THSD4: variants seen among roughly 807,000 people sequenced by gnomAD.
The protein encoded by THSD4 is thrombospondin type-1 domain-containing protein 4.
A neutral mutation model predicts 119.0 loss-of-function variants in THSD4; 69 were observed. That is an observed-to-expected ratio of 0.58 (90% confidence interval 0.48 to 0.71). The LOEUF is 0.71. Ranked by LOEUF, THSD4 falls within the 30% of genes least tolerant of loss-of-function variation. THSD4 has a pLI of 0.00. For synonymous variants in THSD4, 524 were observed against 540.4 expected (o/e 0.97, Z 0.42); for missense variants, 1,393 against 1,391.1 (o/e 1.00, Z -0.02).
At chr15:71,265,433 G>A (rs537849697) in intron 6 of THSD4, among the ~76,000 whole-genome samples, 65 of 152,128 alleles carry the variant, frequency 4.3e-4, no homozygotes, top group African/African-American at 1.1e-3. Flanking sequence ...CAGATACTAC[G>A]CTTTTGCCGT....
At position 71,481,729 on chromosome 15, in the gene THSD4, G is replaced by A. The variant is rs1484057593; in HGVS notation, c.1152+69906G>A. On this transcript the variant is annotated intron_variant, in intron 7 of 17. Coordinates refer to ENST00000261862, the MANE Select transcript of THSD4 (RefSeq NM_024817.3). Reference sequence around the variant, plus strand: ...ATGTGTACGTATATGCTCATAGTTGGATAGAACAACCATTTCATTATTTCT... The same window carrying A: ...ATGTGTACGTATATGCTCATAGTTGAATAGAACAACCATTTCATTATTTCT... 3.3e-5 allele frequency among the ~76,000 whole-genome samples: 5 copies of A among 152,188 alleles called. No homozygotes were observed. In the East Asian group the frequency reaches 9.6e-4, roughly 29 times the overall value.
intron 6 of THSD4, among the ~76,000 whole-genome samples, chr15:71,384,929 C>G (rs1372546750): frequency 6.6e-6 from 1 of 152,130 alleles, no homozygotes; most frequent in Admixed American, 6.5e-5. Context: ...ACCAGCTTAG[C>G]CAATGATTTT....
chr15:71,196,014 T>G (rs1458662747), intron 3 of THSD4, among the ~76,000 whole-genome samples: 29 of 152,122 alleles, frequency 1.9e-4, no homozygotes, highest in Admixed American at 1.9e-3. Flanking sequence ...TTTCTTACAG[T>G]TCTGGGGGCT....
intron 16 of THSD4, among the ~76,000 whole-genome samples, chr15:71,768,044 CTTA>C (rs976861038): frequency 1.2e-4 from 18 of 152,102 alleles, no homozygotes; most frequent in Non-Finnish European, 2.9e-5. Flanking sequence ...AGGGAACCAA[CTTA>C]TTATTATGAA....
At chr15:71,225,110 T>C (rs888745623) in intron 4 of THSD4, among the ~76,000 whole-genome samples, 7 of 151,662 alleles carry the variant, frequency 4.6e-5, no homozygotes, top group African/African-American at 1.7e-4. Flanking sequence ...TGGTTGTTTA[T>C]GGGAAATTTA....
chr15:71,339,342 A>C (rs905133044), intron 6 of THSD4, among the ~76,000 whole-genome samples: 1 of 151,814 alleles, frequency 6.6e-6, no homozygotes, highest in Non-Finnish European at 1.5e-5. Flanking sequence ...CAAACCCCCA[A>C]GTTTAATGAC....
rs377114690 is a variant in THSD4 at position 71,664,127 on chromosome 15, C to T, written c.1357+3393C>T. Among the ~76,000 whole-genome samples the T allele has an allele frequency of 3.6e-4, 55 of 152,026 alleles. 1 individual carries two copies. Among genetic ancestry groups the T allele is most frequent in the East Asian group, 1.2e-3 (6 of 5,158 alleles). On this transcript the variant is annotated intron_variant, in intron 8 of 17. Transcript: ENST00000261862. ...CCTCCCGAGTAGCTGGGACTACAGG[C>T]GCTCACCACCATACCCGGCTAATTT... is the stretch of plus-strand genomic sequence containing the variant.
At position 71,597,439 on chromosome 15, in the gene THSD4, A is replaced by G. The variant is rs369786841; in HGVS notation, c.1153-63091A>G. 2.0e-3 allele frequency among the ~76,000 whole-genome samples: 306 copies of G among 152,354 alleles called. 17 individuals carry two copies. The South Asian group carries it at 0.055, about 28-fold the overall frequency. On this transcript the variant is annotated intron_variant, in intron 7 of 17. Transcript: ENST00000261862. ...AAAATACACATGTGGTAACATATAC[A>G]TGCAGCTCTTCTAGACTTCTTTACA...
In THSD4 at chr15:71,511,423, C is replaced by T. The variant is rs117070134; in HGVS notation, c.1152+99600C>T. 3.1e-3 allele frequency among the ~76,000 whole-genome samples: 467 copies of T among 152,270 alleles called. 2 individuals carry two copies. The highest frequency in any genetic ancestry group is 4.9e-3 in the Non-Finnish European group (335 of 68,014). On this transcript the variant is annotated intron_variant, in intron 7 of 17. Transcript: ENST00000261862. Reference sequence around the variant, plus strand: ...GACTTTTCAAAGGCCAAGGTGTTCACTCTGAATTGAACACCACAGATTTTT... The same window carrying T: ...GACTTTTCAAAGGCCAAGGTGTTCATTCTGAATTGAACACCACAGATTTTT...
At chr15:71,541,635 T>TTTG (rs1288313889) in intron 7 of THSD4, among the ~76,000 whole-genome samples, 1 of 152,234 alleles carries the variant, frequency 6.6e-6, no homozygotes, top group Non-Finnish European at 1.5e-5. Context: ...AACTCAATTT[T>TTTG]TTGTTGTTGT....
chr15:71,658,317 C>A (rs544096769), intron 7 of THSD4, among the ~76,000 whole-genome samples: 1 of 152,384 alleles, frequency 6.6e-6, no homozygotes, highest in East Asian at 1.9e-4. Context: ...ATTCTGTGTT[C>A]TTTCCTACCT....
chr15:71,698,965 T>C (rs547881808), intron 8 of THSD4, among the ~76,000 whole-genome samples: 30 of 152,286 alleles, frequency 2.0e-4, no homozygotes, highest in Middle Eastern at 3.4e-3. Context: ...GTTTCAGTTA[T>C]AAAAGATTAA....
chr15:71,229,596 C>T (rs938013162), intron 4 of THSD4, among the ~76,000 whole-genome samples: 1 of 152,154 alleles, frequency 6.6e-6, no homozygotes, highest in Non-Finnish European at 1.5e-5. Flanking sequence ...AATATTGAGG[C>T]AACCATCCAT....
chr15:71,212,068 G>C (rs537499025), intron 3 of THSD4, among the ~76,000 whole-genome samples: 1 of 152,272 alleles, frequency 6.6e-6, no homozygotes, highest in South Asian at 2.1e-4. Context: ...AGGAGTGGAG[G>C]GAGGCTGGGT....
intron 1 of THSD4, among the ~76,000 whole-genome samples, chr15:71,124,871 C>T (rs1440107661): frequency 6.6e-6 from 1 of 152,030 alleles, no homozygotes; most frequent in African/African-American, 2.4e-5. Flanking sequence ...AGTGAGACTC[C>T]ATCTCTACAA....
chr15:71,697,550 G>C (rs934387491), intron 8 of THSD4, among the ~76,000 whole-genome samples: 2 of 152,210 alleles, frequency 1.3e-5, no homozygotes, highest in African/African-American at 4.8e-5. Flanking sequence ...GGGCTCTGCT[G>C]TAAAGAAAGA....
At chr15:71,387,170 G>A (rs542639490) in intron 6 of THSD4, among the ~76,000 whole-genome samples, 7 of 152,008 alleles carry the variant, frequency 4.6e-5, no homozygotes, top group African/African-American at 1.7e-4. Flanking sequence ...ATAGCTGTGC[G>A]CTGGAAACTA....
intron 3 of THSD4, among the ~76,000 whole-genome samples, chr15:71,158,990 C>G (rs2043226899): frequency 6.6e-6 from 1 of 152,114 alleles, no homozygotes; most frequent in Non-Finnish European, 1.5e-5. Flanking sequence ...AATCTTTAAT[C>G]CATTTTCAGT....
At chr15:71,356,351 TCACACTTATGA>T (rs2045810552) in intron 6 of THSD4, among the ~76,000 whole-genome samples, 1 of 152,188 alleles carries the variant, frequency 6.6e-6, no homozygotes, top group Non-Finnish European at 1.5e-5. Context: ...CCCTGTGCTC[TCACACTTATGA>T]CACACTTATT....
Sources: allele counts gnomAD v4.1 joint callset (sites outside exome capture counted in the v4.1 genomes callset), GRCh38; gene constraint gnomAD v4.1.1; transcripts MANE v1.5; gene names NCBI Gene and HGNC (gene_info 2026-07-23, HGNC 2026-07-21).